The following RIN2 variants were observed in gnomAD, a reference collection of about 807,000 sequenced individuals.
The protein encoded by RIN2 is Ras and Rab interactor 2.
In RIN2, 36 loss-of-function variants were observed where a neutral mutation model predicts 78.0. That is an observed-to-expected ratio of 0.46 (90% CI 0.35 to 0.61). The LOEUF (loss-of-function observed/expected upper bound fraction) is 0.61. RIN2 is among the 20% of genes least tolerant of loss of function. The pLI, the probability that RIN2 is intolerant of heterozygous loss-of-function variation, is 0.00. For missense variants in RIN2, 1,087 were observed against 1,159.7 expected (o/e 0.94, Z 0.91); for synonymous variants, 466 against 466.8 (o/e 1.00, Z 0.02).
At chr20:19,960,838 C>G (rs6106169) in intron 6 of RIN2, 27 bp downstream of exon 6, 1 of 1,446,150 alleles carries the variant, frequency 6.9e-7, no homozygotes, top group South Asian at 1.2e-5. Context: ...TGCTCAGGTC[C>G]TGACTGACAG....
chr20:19,955,927 T>C (rs748713541), intron 4 of RIN2, among the ~76,000 whole-genome samples: 1 of 152,160 alleles, frequency 6.6e-6, no homozygotes, highest in South Asian at 2.1e-4. Context: ...CCATCCATGC[T>C]ATTTCGCATT....
At chr20:19,911,741 G>GTTT (rs10668648) in intron 3 of RIN2, among the ~76,000 whole-genome samples, 105,286 of 151,360 alleles carry the variant, frequency 0.7, 37,762 homozygotes, top group East Asian at 0.96. Flanking sequence ...TTCATTCCGT[G>GTTT]AATTTTTGCT....
At chr20:19,757,803 C>T (rs373257828), upstream of RIN2, 2 of 152,378 alleles carry the variant, frequency 1.3e-5, no homozygotes, top group African/African-American at 4.8e-5. Context: ...CTGGTCCTCG[C>T]CTGGCCGGGG....
intron 5 of RIN2, among the ~76,000 whole-genome samples, chr20:19,958,101 T>C (rs1408490683): frequency 6.6e-6 from 1 of 152,256 alleles, no homozygotes; most frequent in Non-Finnish European, 1.5e-5. Context: ...AGAGTCTGTC[T>C]GTTCTCACTT....
chr20:19,772,239 G>C (rs949215654), intron 1 of RIN2, among the ~76,000 whole-genome samples: 1 of 152,048 alleles, frequency 6.6e-6, no homozygotes, highest in African/African-American at 2.4e-5. Context: ...TTTACTTCCA[G>C]CTCCCACATC....
In RIN2 at chr20:20,000,613, A is replaced by C; in HGVS notation, c.2365A>C (p.Asn789His). 6.3e-7 allele frequency: 1 copy of C among 1,590,908 alleles called. No individual in the cohort carries two copies. Among genetic ancestry groups the C allele is most frequent in the Non-Finnish European group, 8.6e-7 (1 of 1,164,198 alleles). ...CTCAACATTCCTCTTCCACCTGCAG[A>C]ATTACCTCCGAGTTGCATTTCAGGA... is the stretch of plus-strand genomic sequence containing the variant. ...RTIPSVDDFQNYLRVAFQEVN... is the reference protein window; with the variant it reads ...RTIPSVDDFQHYLRVAFQEVN... Residue 789 changes from asparagine to histidine, a missense_variant and splice_region_variant, in exon 13 of 13, where the codon AAT (asparagine) becomes CAT (histidine). Coordinates refer to ENST00000255006, the MANE Select transcript of RIN2 (RefSeq NM_018993.4).
intron 3 of RIN2, among the ~76,000 whole-genome samples, chr20:19,921,847 C>T (rs907824220): frequency 8.6e-6 from 1 of 115,924 alleles, no homozygotes; most frequent in Non-Finnish European, 1.8e-5. Flanking sequence ...TTGGATCTGT[C>T]GGTTGTTTGT....
chr20:19,901,397 G>A (rs551256594), intron 3 of RIN2, among the ~76,000 whole-genome samples: 8 of 149,726 alleles, frequency 5.3e-5, no homozygotes, highest in East Asian at 2.0e-4. Context: ...TGACTCAGCC[G>A]AACAGAACCC....
At chr20:19,888,442 G>A (rs563903871) in intron 2 of RIN2, among the ~76,000 whole-genome samples, 3 of 152,270 alleles carry the variant, frequency 2.0e-5, no homozygotes, top group East Asian at 1.9e-4. Flanking sequence ...TGTTTGTGTC[G>A]CTGGCTCTCT....
At chr20:19,841,537 A>T (rs114111181) in intron 2 of RIN2, among the ~76,000 whole-genome samples, 267 of 151,984 alleles carry the variant, frequency 1.8e-3, no homozygotes, top group African/African-American at 6.3e-3. Context: ...TATTTGGGGG[A>T]TGATCCAGGC....
At chr20:19,930,912 A>G (rs887806087) in intron 3 of RIN2, among the ~76,000 whole-genome samples, 7 of 152,114 alleles carry the variant, frequency 4.6e-5, no homozygotes, top group Non-Finnish European at 8.8e-5. Flanking sequence ...AATACCCATC[A>G]CTCAGCACTG....
intron 2 of RIN2, chr20:19,889,087 C>T: frequency 1.0e-6 from 1 of 975,410 alleles, no homozygotes; most frequent in South Asian, 4.7e-5. Context: ...CTTCCCAGTG[C>T]CCTTCTGTTG....
At chr20:19,920,055 G>C (rs2039847828) in intron 3 of RIN2, among the ~76,000 whole-genome samples, 1 of 152,120 alleles carries the variant, frequency 6.6e-6, no homozygotes, top group African/African-American at 2.4e-5. Flanking sequence ...AGCACTTTGG[G>C]AGGCCGAGGC....
At chr20:19,884,988 T>C (rs899003488) in intron 2 of RIN2, among the ~76,000 whole-genome samples, 10 of 152,186 alleles carry the variant, frequency 6.6e-5, no homozygotes, top group Admixed American at 1.3e-4. Flanking sequence ...AGGTCTTGTT[T>C]ACTGAGACTG....
rs963608803 is a variant in RIN2 at position 19,921,848 on chromosome 20, G to A, written c.58-13251G>A. ...CCCTAAGGGTAAATTTGGATCTGTC[G>A]GTTGTTTGTTTGTTTGTTTGTTTGT... On this transcript the variant is annotated intron_variant, in intron 3 of 12. Coordinates refer to ENST00000255006, the MANE Select transcript of RIN2 (RefSeq NM_018993.4). Among the ~76,000 whole-genome samples the A allele has an allele frequency of 4.1e-5, 5 of 122,152 alleles. No homozygotes were observed. In the East Asian group the frequency reaches 2.2e-3, roughly 55 times the overall value. The allele number at this position is 122,152 out of a possible 152,430, so 80.1% of individuals were successfully genotyped here. A position where few individuals can be genotyped will look rare whatever the true frequency, so the allele number is the denominator to read the frequency against.
At chr20:19,793,390 A>C (rs1166849352) in intron 1 of RIN2, among the ~76,000 whole-genome samples, 1 of 152,214 alleles carries the variant, frequency 6.6e-6, no homozygotes, top group African/African-American at 2.4e-5. Flanking sequence ...TGGATGGCTC[A>C]GCCACAGAGG....
chr20:19,775,991 G>T (rs2034296199), intron 1 of RIN2, among the ~76,000 whole-genome samples: 1 of 152,214 alleles, frequency 6.6e-6, no homozygotes, highest in Non-Finnish European at 1.5e-5. Flanking sequence ...GCTTATTAAA[G>T]ACTTACCCAG....
chr20:19,769,950 G>A lies in RIN2; in HGVS notation c.-163+11623G>A, dbSNP rs1040136732. On this transcript the variant is annotated intron_variant, in intron 1 of 12. Transcript: ENST00000255006. ...TAAGAGAAAAAGTAATCAACCCCAA[G>A]AGCAAAAGAAAATGAACAGCAGAAA... Among the ~76,000 whole-genome samples the A allele has an allele frequency of 3.9e-5, 6 of 152,232 alleles. No homozygotes were observed. The East Asian group carries it at 1.2e-3, about 29-fold the overall frequency.
intron 2 of RIN2, among the ~76,000 whole-genome samples, chr20:19,818,017 A>G (rs2035815167): frequency 6.8e-6 from 1 of 146,900 alleles, no homozygotes; most frequent in African/African-American, 2.5e-5. Context: ...TGTAGAGTGC[A>G]CTTACACAAA....
Sources: allele counts gnomAD v4.1 joint callset (sites outside exome capture counted in the v4.1 genomes callset), GRCh38; gene constraint gnomAD v4.1.1; transcripts MANE v1.5; gene names NCBI Gene and HGNC (gene_info 2026-07-23, HGNC 2026-07-21).